Variants in RBM28 observed in about 807,000 individuals in gnomAD.
The protein encoded by RBM28 is RNA binding motif protein 28.
RBM28 carries 78 observed loss-of-function variants against 98.3 expected under a neutral mutation model. That is an observed-to-expected ratio of 0.79 (90% CI 0.66 to 0.96). The LOEUF (loss-of-function observed/expected upper bound fraction) is 0.96. Among genes scored for constraint, RBM28 ranks in the 40% least tolerant of loss-of-function variants. The probability of loss-of-function intolerance (pLI) is 0.00; values close to 1 mark genes in which losing one functional copy is unlikely to be tolerated. For missense variants in RBM28, 838 were observed against 913.0 expected (o/e 0.92, Z 1.06); for synonymous variants, 306 against 330.9 (o/e 0.92, Z 0.82).
At chr7:128,320,131 C>T (rs938060773) in intron 14 of RBM28, among the ~76,000 whole-genome samples, 1 of 149,254 alleles carries the variant, frequency 6.7e-6, no homozygotes, top group Non-Finnish European at 1.5e-5. Flanking sequence ...GCAAGAGAAT[C>T]GCTTGAACCC....
Position 128,317,956 on chromosome 7 carries a change from C to T in RBM28, c.1713+1G>A, listed in dbSNP as rs771133516. The T allele has an allele frequency of 3.1e-6, 5 of 1,614,040 alleles. No individual in the cohort carries two copies. In the African/African-American group the frequency reaches 6.7e-5, roughly 22 times the overall value. On this transcript the variant is annotated splice_donor_variant, in intron 15 of 18. Transcript: ENST00000223073. LOFTEE classifies it high-confidence loss of function. Reference sequence around the variant, plus strand: ...AAGTCTCCCCAGAGGACAAGGCCTACCTTCAGAGGCCCAAAGATTTCTGGA... The same window carrying T: ...AAGTCTCCCCAGAGGACAAGGCCTATCTTCAGAGGCCCAAAGATTTCTGGA...
chr7:128,335,512 T>C, intron 8 of RBM28, 31 bp downstream of exon 8: 1 of 1,613,996 alleles, frequency 6.2e-7, no homozygotes, highest in Non-Finnish European at 8.5e-7. Context: ...TTTTTTAAAG[T>C]CTAAAGACAT....
intron 18 of RBM28, among the ~76,000 whole-genome samples, chr7:128,312,310 G>A (rs1053788648): frequency 1.3e-5 from 2 of 152,220 alleles, no homozygotes; most frequent in Non-Finnish European, 2.9e-5. Context: ...CCAGCTACTC[G>A]GGAGGCTACT....
chr7:128,338,250 C>T lies in RBM28; in HGVS notation c.541G>A (p.Gly181Ser), dbSNP rs777345186. The change falls in exon 5 of 19, where the codon GGC becomes AGC. Residue 181 changes from glycine to serine, a missense_variant and splice_region_variant. Transcript: ENST00000223073. ...LKGMNMKEIKGRTVAVDWAVA... is the reference protein window; with the variant it reads ...LKGMNMKEIKSRTVAVDWAVA... ...AATGATATGGGTATAGAAAGCTTAC[C>T]TTTTATCTCTTTCATGTTCATGCCT... 5.6e-6 allele frequency: 9 copies of T among 1,612,510 alleles called. No homozygotes were observed. In the African/African-American group the frequency reaches 1.2e-4, roughly 22 times the overall value.
intron 10 of RBM28, 144 bp from the exon 11 acceptor site, chr7:128,326,035 T>G: frequency 1.4e-6 from 1 of 732,204 alleles, no homozygotes; most frequent in Non-Finnish European, 2.5e-6. Flanking sequence ...CCGGGTGCAG[T>G]GGCTCACACC....
chr7:128,338,182 G>A, intron 5 of RBM28, 68 bp downstream of exon 5: 1 of 1,151,114 alleles, frequency 8.7e-7, no homozygotes, highest in Admixed American at 1.7e-5. Flanking sequence ...GCAGAAAGTG[G>A]GTTACTACAC....
chr7:128,316,508 C>G (rs1584637417), intron 16 of RBM28, among the ~76,000 whole-genome samples: 3 of 152,236 alleles, frequency 2.0e-5, no homozygotes, highest in Admixed American at 2.0e-4. Flanking sequence ...GTCAGGAGTT[C>G]GAGACCAGCC....
Position 128,343,670 on chromosome 7 carries a change from C to T in RBM28, c.118+6G>A. 6.2e-7 allele frequency: 1 copy of T among 1,602,162 alleles called. No homozygotes were observed. Among genetic ancestry groups the T allele is most frequent in the Non-Finnish European group, 8.5e-7 (1 of 1,173,136 alleles). ...CCAGCCCTATCCTCGACCGCCCCGC[C>T]CCTACCTTTTTCAGTCACCACGAAG... is the stretch of plus-strand genomic sequence containing the variant. On this transcript the variant is annotated splice_donor_region_variant and intron_variant, in intron 1 of 18. Coordinates refer to ENST00000223073, the MANE Select transcript of RBM28 (RefSeq NM_018077.3).
chr7:128,321,151 G>T, intron 14 of RBM28, 115 bp downstream of exon 14: 1 of 1,389,380 alleles, frequency 7.2e-7, no homozygotes, highest in Non-Finnish European at 1.0e-6. Flanking sequence ...GGGCAACAGA[G>T]TGAGACTTCG....
At position 128,297,707 on chromosome 7, in the gene RBM28, T is replaced by C. The variant is rs1302440517; in HGVS notation, c.*13090A>G. ...AAGACACACACACACGTATGTTTAT[T>C]GCGGCACTATTCACAATAGCAAAGA... On this transcript the variant is annotated 3_prime_UTR_variant, in exon 19 of 19. Coordinates refer to ENST00000223073, the MANE Select transcript of RBM28 (RefSeq NM_018077.3). 4 of 151,964 alleles carry C rather than the reference T, an allele frequency of 2.6e-5. No individual in the cohort carries two copies. The highest frequency in any genetic ancestry group is 4.4e-5 in the Non-Finnish European group (3 of 67,990). The allele number at this position is 151,964 out of a possible 1,614,324, so 9.4% of individuals were successfully genotyped here. A position where few individuals can be genotyped will look rare whatever the true frequency, so the allele number is the denominator to read the frequency against.
intron 17 of RBM28, among the ~76,000 whole-genome samples, chr7:128,313,748 C>T (rs1490917186): frequency 2.0e-5 from 3 of 152,114 alleles, no homozygotes; most frequent in South Asian, 2.1e-4. Flanking sequence ...AATGGTTTAG[C>T]GCCATCCCCT....
intron 3 of RBM28, 42 bp from the exon 4 acceptor site, chr7:128,338,843 C>G (rs1282088608): frequency 1.5e-6 from 2 of 1,352,698 alleles, no homozygotes; most frequent in Admixed American, 1.7e-5. Context: ...AACACAATCA[C>G]AGCAAATTAA....
At chr7:128,334,714 T>C (rs1490372369) in intron 8 of RBM28, among the ~76,000 whole-genome samples, 2 of 152,216 alleles carry the variant, frequency 1.3e-5, no homozygotes, top group Non-Finnish European at 2.9e-5. Flanking sequence ...AAGAGGTCCT[T>C]GTTATGGAAC....
At chr7:128,327,795 C>T (rs978971712) in intron 10 of RBM28, among the ~76,000 whole-genome samples, 1 of 152,068 alleles carries the variant, frequency 6.6e-6, no homozygotes, top group African/African-American at 2.4e-5. Flanking sequence ...CCACTGCACC[C>T]GGTCAATAAA....
At chr7:128,321,178 C>CA in intron 14 of RBM28, 88 bp downstream of exon 14, 2 of 1,565,582 alleles carry the variant, frequency 1.3e-6, no homozygotes, top group South Asian at 2.2e-5. Flanking sequence ...AACAAACAAA[C>CA]AAAATCTGGC....
In RBM28 at chr7:128,343,835, A is replaced by C; in HGVS notation, c.-42T>G. 1.4e-6 allele frequency: 2 copies of C among 1,430,726 alleles called. No homozygotes were observed. The highest frequency in any genetic ancestry group is 1.9e-6 in the Non-Finnish European group (2 of 1,052,044). 88.6% of individuals were successfully genotyped at this position (1,430,726 alleles called of 1,614,324 possible). A position where few individuals can be genotyped will look rare whatever the true frequency, so the allele number is the denominator to read the frequency against. ...AAGCGCGTGAGGACGCGAGCAAACT[A>C]GGCCGGCGCACGCGAGCCGAAACGC... is the stretch of plus-strand genomic sequence containing the variant. On this transcript the variant is annotated 5_prime_UTR_variant, in exon 1 of 19. Coordinates refer to ENST00000223073, the MANE Select transcript of RBM28 (RefSeq NM_018077.3).
intron 10 of RBM28, among the ~76,000 whole-genome samples, chr7:128,329,996 C>CTTTCTCT (rs1322198391): frequency 1.3e-5 from 2 of 148,468 alleles, no homozygotes; most frequent in Non-Finnish European, 3.0e-5. Flanking sequence ...TACCTAACAA[C>CTTTCTCT]AGTATACTAG....
chr7:128,330,631 C>G (rs576322735), intron 10 of RBM28, among the ~76,000 whole-genome samples, 188 bp downstream of exon 10: 2 of 152,280 alleles, frequency 1.3e-5, no homozygotes, highest in South Asian at 4.1e-4. Flanking sequence ...CTCAGCCTCC[C>G]AAAGTGCTGG....
Position 128,343,788 on chromosome 7 carries a change from G to T in RBM28, c.6C>A (p.Ala2=). The change falls in exon 1 of 19, where the codon GCC becomes GCA. Residue 2 remains alanine, a synonymous_variant. Transcript: ENST00000223073. M[A]GLTLFVGRLP... ...GGCGGCCCACAAATAAGGTCAGGCC[G>T]GCCATGAGACCGGGAAACCCAAAGC... 6.3e-7 allele frequency: 1 copy of T among 1,597,334 alleles called. No homozygotes were observed. Among genetic ancestry groups the T allele is most frequent in the Non-Finnish European group, 8.5e-7 (1 of 1,171,758 alleles).
Sources: allele counts gnomAD v4.1 joint callset (sites outside exome capture counted in the v4.1 genomes callset), GRCh38; gene constraint gnomAD v4.1.1; transcripts MANE v1.5; gene names NCBI Gene and HGNC (gene_info 2026-07-23, HGNC 2026-07-21).